Variants in PIGF observed in about 807,000 individuals in gnomAD.
PIGF encodes phosphatidylinositol glycan anchor biosynthesis class F, also known as GPI ethanolamine phosphate transferase, stabilizing subunit.
PIGF carries 23 observed loss-of-function variants against 26.0 expected under a neutral mutation model. The observed-to-expected ratio is 0.88, with a 90% CI of 0.64 to 1.25. The LOEUF (loss-of-function observed/expected upper bound fraction) is 1.25, where lower values mean the gene tolerates loss of function less well. Among genes scored for constraint, PIGF ranks in the 50% most tolerant of loss-of-function variants. The probability of loss-of-function intolerance (pLI) is 0.00; values close to 1 mark genes in which losing one functional copy is unlikely to be tolerated. For synonymous variants in PIGF, 93 were observed against 92.6 expected, an observed-to-expected ratio of 1.00 and a Z score of -0.03; for missense variants, 278 against 249.9, an observed-to-expected ratio of 1.11 and a Z score of -0.76.
At chr2:46,585,745 T>C (rs904000297) in intron 5 of PIGF, among the ~76,000 whole-genome samples, 4 of 152,152 alleles carry the variant, frequency 2.6e-5, no homozygotes, top group African/African-American at 9.7e-5. Flanking sequence ...TAGGAAGTGG[T>C]AGGAACTATT....
chr2:46,592,620 T>C (rs199767088), intron 4 of PIGF, 37 bp from the exon 5 acceptor site: 7 of 984,656 alleles, frequency 7.1e-6, no homozygotes, highest in Non-Finnish European at 9.9e-6. Context: ...TGGTGGTATA[T>C]ACATGAGCTG....
At chr2:46,605,699 C>G (rs972360950) in intron 4 of PIGF, among the ~76,000 whole-genome samples, 2 of 152,086 alleles carry the variant, frequency 1.3e-5, no homozygotes, top group Non-Finnish European at 2.9e-5. Context: ...TCCTCAATTA[C>G]TGGAGTCGTC....
chr2:46,594,307 T>C (rs879348242), intron 4 of PIGF, among the ~76,000 whole-genome samples: 2 of 152,092 alleles, frequency 1.3e-5, no homozygotes, highest in Non-Finnish European at 2.9e-5. Flanking sequence ...AAACATAAGG[T>C]GTGGTAGAGG....
chr2:46,599,052 CT>C (rs1438328069), intron 4 of PIGF, among the ~76,000 whole-genome samples: 2 of 152,128 alleles, frequency 1.3e-5, no homozygotes, highest in African/African-American at 4.8e-5. Flanking sequence ...GCTCCCAGTA[CT>C]TTGGGCCAAC....
chr2:46,581,485 T>C lies in PIGF; in HGVS notation c.653A>G (p.Asn218Ser). ...TATCTCCCTTTGCTCCAGTTAATTGTTCTTGTATGTAAGTTGCTTTCTATT... is the reference window on the plus strand; with the variant it reads ...TATCTCCCTTTGCTCCAGTTAATTGCTCTTGTATGTAAGTTGCTTTCTATT... ...YWNRKQLTYK[N>S]N Residue 218 changes from asparagine to serine, a missense_variant, in exon 6 of 6, where the codon AAC becomes AGC. Asn to Ser is a conservative substitution (Grantham distance 46, BLOSUM62 1). Coordinates refer to ENST00000281382, the MANE Select transcript of PIGF (RefSeq NM_002643.4). 1 of 1,611,044 alleles carries C rather than the reference T, an allele frequency of 6.2e-7. No individual in the cohort carries two copies. The highest frequency in any genetic ancestry group is 8.5e-7 in the Non-Finnish European group (1 of 1,179,310).
chr2:46,596,303 A>G (rs1283269499), intron 4 of PIGF, among the ~76,000 whole-genome samples: 1 of 151,780 alleles, frequency 6.6e-6, no homozygotes, highest in Non-Finnish European at 1.5e-5. Context: ...ATGCCTTCAC[A>G]TTTTTCACGG....
intron 4 of PIGF, among the ~76,000 whole-genome samples, chr2:46,605,587 A>G (rs949769302): frequency 5.3e-5 from 8 of 152,126 alleles, no homozygotes; most frequent in Admixed American, 4.6e-4. Context: ...CAAAGTACAT[A>G]TTAGTTTTAT....
intron 2 of PIGF, chr2:46,614,440 G>C (rs1008184199): frequency 6.5e-6 from 1 of 155,014 alleles, no homozygotes; most frequent in Non-Finnish European, 1.4e-5. Context: ...ATTAGTAATA[G>C]CCAAGTGAAT....
At chr2:46,601,346 C>A (rs1292600864) in intron 4 of PIGF, among the ~76,000 whole-genome samples, 1 of 152,048 alleles carries the variant, frequency 6.6e-6, no homozygotes, top group African/African-American at 2.4e-5. Flanking sequence ...TATTTGACTC[C>A]ACTGGAATTC....
In PIGF at chr2:46,609,624, T is replaced by TA. The variant is rs369841621; in HGVS notation, c.437+2603dup. Among the ~76,000 whole-genome samples the TA allele has an allele frequency of 2.7e-3, 404 of 152,170 alleles. 1 individual carries two copies. The highest frequency in any genetic ancestry group is 8.7e-3 in the African/African-American group (363 of 41,534). The stretch of plus-strand genomic sequence containing the variant: ...AAAATTTTCCTTTCACTTGAACACT[T>TA]AAGAGACCATAGTATGGTTATTAAC... On this transcript the variant is annotated intron_variant, in intron 4 of 5. Transcript: ENST00000281382.
At chr2:46,604,927 T>G (rs1015598286) in intron 4 of PIGF, among the ~76,000 whole-genome samples, 1 of 151,998 alleles carries the variant, frequency 6.6e-6, no homozygotes, top group Non-Finnish European at 1.5e-5. Flanking sequence ...GATGTGATTA[T>G]TATGCATTGT....
intron 5 of PIGF, among the ~76,000 whole-genome samples, chr2:46,587,918 G>A (rs977824030): frequency 6.6e-6 from 1 of 152,126 alleles, no homozygotes; most frequent in Non-Finnish European, 1.5e-5. Flanking sequence ...GAAAAGCTAT[G>A]TTTTAGTTTC....
chr2:46,614,940 G>C lies in PIGF; in HGVS notation c.225C>G (p.His75Gln). 1.4e-6 allele frequency: 2 copies of C among 1,388,646 alleles called. No homozygotes were observed. Among genetic ancestry groups the C allele is most frequent in the Non-Finnish European group, 2.1e-6 (2 of 974,716 alleles). 86.0% of individuals were successfully genotyped at this position (1,388,646 alleles called of 1,614,324 possible). A position where few individuals can be genotyped will look rare whatever the true frequency, so the allele number is the denominator to read the frequency against. ...GTTATTGAGACATAAGCCTTACCTT[G>C]TGTGATAATGAACTTCTTTTAGAGG... Reference protein sequence around the residue: ...NTSSKRSSLSHKVTGFLKCCI... With the variant: ...NTSSKRSSLSQKVTGFLKCCI... The change falls in exon 2 of 6, where the codon CAC (histidine) becomes CAG (glutamine). Residue 75 changes from histidine (H) to glutamine (Q), a missense_variant. By Grantham distance (24) the His-to-Gln change is conservative. Transcript: ENST00000281382.
intron 4 of PIGF, among the ~76,000 whole-genome samples, chr2:46,593,134 C>CTCT (rs1669775548): frequency 7.6e-6 from 1 of 132,304 alleles, no homozygotes; most frequent in African/African-American, 2.8e-5. Flanking sequence ...ACCAGTCTTT[C>CTCT]TTTTTTTTTT....
chr2:46,594,267 A>G (rs752113116), intron 4 of PIGF, among the ~76,000 whole-genome samples: 1 of 152,200 alleles, frequency 6.6e-6, no homozygotes, highest in Non-Finnish European at 1.5e-5. Flanking sequence ...CACCTCCTCT[A>G]TACTGTAATA....
Position 46,589,341 on chromosome 2 carries a change from G to T in PIGF, c.546+3134C>A, listed in dbSNP as rs530335018. Among the ~76,000 whole-genome samples, 75 of 152,044 alleles carry T rather than the reference G, an allele frequency of 4.9e-4. No individual in the cohort carries two copies. The highest frequency in any genetic ancestry group is 1.7e-3 in the African/African-American group (72 of 41,516). On this transcript the variant is annotated intron_variant, in intron 5 of 5. Coordinates refer to ENST00000281382, the MANE Select transcript of PIGF (RefSeq NM_002643.4). This position sits in a 1 kb window ranked among gnomAD's most constrained non-coding sequence, Gnocchi z 4.7. The stretch of plus-strand genomic sequence containing the variant: ...TGGGCCTTTCCAGTCATTTAATGAA[G>T]AAATTATTTTAAACATAAAAATATG...
At chr2:46,586,571 T>C (rs1669578859) in intron 5 of PIGF, among the ~76,000 whole-genome samples, 1 of 152,162 alleles carries the variant, frequency 6.6e-6, no homozygotes, top group Non-Finnish European at 1.5e-5. Flanking sequence ...GATTACTGTC[T>C]CTCTCGAGAT....
At chr2:46,593,965 G>T (rs537740538) in intron 4 of PIGF, among the ~76,000 whole-genome samples, 1 of 152,302 alleles carries the variant, frequency 6.6e-6, no homozygotes, top group East Asian at 1.9e-4. Flanking sequence ...GCCTTAGCTT[G>T]TTTCCATTGA....
At chr2:46,613,541 T>A (rs4952836) in intron 3 of PIGF, among the ~76,000 whole-genome samples, 153 bp downstream of exon 3, 43,281 of 151,856 alleles carry the variant, frequency 0.29, 6,508 homozygotes, top group Admixed American at 0.35. Flanking sequence ...CTGTTTTTTT[T>A]AAAAAAGAAT....
Sources: gnomAD v4.1 joint callset for allele counts (sites outside exome capture counted in the v4.1 genomes callset) on GRCh38, gnomAD v4.1.1 for gene constraint, Gnocchi (gnomAD v3.1) non-coding constraint, MANE v1.5 for transcripts, NCBI Gene and HGNC (gene_info 2026-07-23, HGNC 2026-07-21) for gene names.